KLF12: variants seen among roughly 807,000 people sequenced by gnomAD.
KLF12 encodes the protein KLF transcription factor 12.
In KLF12, 9 loss-of-function variants were observed where a neutral mutation model predicts 37.8. The ratio of observed to expected loss-of-function variants is 0.24; its 90% CI spans 0.14 to 0.42. The LOEUF (loss-of-function observed/expected upper bound fraction) is 0.42. Among genes scored for constraint, KLF12 ranks in the 10% least tolerant of loss-of-function variants. The probability of loss-of-function intolerance (pLI) is 1.00; values close to 1 mark genes in which losing one functional copy is unlikely to be tolerated. For synonymous variants in KLF12, 208 were observed against 202.1 expected, an observed-to-expected ratio of 1.03 and a Z score of -0.25; for missense variants, 411 against 516.0, an observed-to-expected ratio of 0.80 and a Z score of 1.97.
intron 7 of KLF12, 136 bp downstream of exon 7, chr13:73,715,232 T>A (rs1875708809): frequency 8.1e-6 from 5 of 618,074 alleles, no homozygotes; most frequent in Non-Finnish European, 1.4e-5. Flanking sequence ...AGAGAGAGAA[T>A]ACATTCCGCC....
At chr13:74,137,097 A>T (rs1399343309), upstream of KLF12, among the ~76,000 whole-genome samples, 1 of 152,196 alleles carries the variant, frequency 6.6e-6, no homozygotes, top group Non-Finnish European at 1.5e-5. Context: ...AGATTTAAAG[A>T]AAAGTAAGGT....
chr13:73,708,176 T>G (rs1212041774), intron 7 of KLF12, among the ~76,000 whole-genome samples: 1 of 152,154 alleles, frequency 6.6e-6, no homozygotes, highest in Non-Finnish European at 1.5e-5. Context: ...TGTACAAAAT[T>G]CAGATATGAA....
chr13:74,146,004 T>C, the KLF12 span, among the ~76,000 whole-genome samples: 4 of 152,196 alleles, frequency 2.6e-5, no homozygotes, highest in Admixed American at 2.6e-4. Flanking sequence ...AACTTGAACA[T>C]GTTTTTAAAA....
intron 1 of KLF12, among the ~76,000 whole-genome samples, chr13:74,046,047 T>A (rs529563542): frequency 1.3e-5 from 2 of 152,360 alleles, no homozygotes; most frequent in Admixed American, 1.3e-4. Flanking sequence ...CCATAGGAAC[T>A]TAACTCTTGT....
the KLF12 span, among the ~76,000 whole-genome samples, chr13:74,283,358 A>T: frequency 6.6e-6 from 1 of 152,244 alleles, no homozygotes; most frequent in Non-Finnish European, 1.5e-5. Flanking sequence ...CTTCTGCAAA[A>T]ATCCCATTTC....
the KLF12 span, among the ~76,000 whole-genome samples, chr13:74,294,610 A>G: frequency 6.6e-6 from 1 of 151,792 alleles, no homozygotes; most frequent in East Asian, 1.9e-4. Flanking sequence ...CTTGTGATCC[A>G]CCCGCCTCGG....
intron 6 of KLF12, 118 bp from the exon 7 acceptor site, chr13:73,715,643 C>T (rs1875746772): frequency 3.0e-6 from 3 of 985,528 alleles, no homozygotes; most frequent in Admixed American, 5.3e-5. Flanking sequence ...CCACCATGAC[C>T]ACAGTTCTTG....
At chr13:73,891,743 T>C (rs1887517157) in intron 3 of KLF12, among the ~76,000 whole-genome samples, 2 of 152,154 alleles carry the variant, frequency 1.3e-5, no homozygotes, top group African/African-American at 4.8e-5. Context: ...TGGTGCTGCA[T>C]ATGCAGATGA....
chr13:74,132,440 CAG>C (rs1383161337), intron 1 of KLF12, among the ~76,000 whole-genome samples: 2 of 152,160 alleles, frequency 1.3e-5, no homozygotes, highest in Non-Finnish European at 1.5e-5. Flanking sequence ...TACAGGGAAA[CAG>C]AGAATCTTAA....
At chr13:74,231,064 G>T in the KLF12 span, among the ~76,000 whole-genome samples, 2 of 150,398 alleles carry the variant, frequency 1.3e-5, no homozygotes, top group African/African-American at 4.9e-5. Context: ...AAATGATACA[G>T]TAGTGTATAA....
At position 74,018,098 on chromosome 13, in the gene KLF12, T is replaced by C. The variant is rs191266133; in HGVS notation, c.-31-23045A>G. 4.4e-3 allele frequency among the ~76,000 whole-genome samples: 659 copies of C among 151,242 alleles called. 2 individuals carry two copies. Among genetic ancestry groups the C allele is most frequent in the Non-Finnish European group, 7.0e-3 (477 of 67,856 alleles). Reference sequence around the variant, plus strand: ...TATAATTACTGCTTTTTTTTTTTTTTACTTAAAAAAATATACACACGATTC... The same window carrying C: ...TATAATTACTGCTTTTTTTTTTTTTCACTTAAAAAAATATACACACGATTC... On this transcript the variant is annotated intron_variant, in intron 1 of 7. Transcript: ENST00000377669.
chr13:74,082,837 G>C (rs1874995974), intron 1 of KLF12, among the ~76,000 whole-genome samples: 1 of 152,106 alleles, frequency 6.6e-6, no homozygotes, highest in African/African-American at 2.4e-5. Context: ...ATTTTCCCGG[G>C]GCAGGGAAGG....
At chr13:74,108,514 G>T (rs772479680) in intron 1 of KLF12, among the ~76,000 whole-genome samples, 1 of 152,032 alleles carries the variant, frequency 6.6e-6, no homozygotes, top group Non-Finnish European at 1.5e-5. Flanking sequence ...GGGGGTGAGG[G>T]TCATAGGAGT....
the KLF12 span, among the ~76,000 whole-genome samples, chr13:74,256,745 G>C: frequency 6.7e-6 from 1 of 149,388 alleles, no homozygotes; most frequent in Non-Finnish European, 1.5e-5. Flanking sequence ...CTGTTGCCAC[G>C]CTGTTTTGGA....
the KLF12 span, among the ~76,000 whole-genome samples, chr13:74,212,558 TTAAG>T: frequency 1.3e-5 from 2 of 152,138 alleles, no homozygotes; most frequent in Non-Finnish European, 2.9e-5. Flanking sequence ...CTAACAGCAA[TTAAG>T]TATTTATGAA....
intron 1 of KLF12, among the ~76,000 whole-genome samples, chr13:74,025,903 A>G (rs750038385): frequency 6.6e-6 from 1 of 152,186 alleles, no homozygotes; most frequent in African/African-American, 2.4e-5. Context: ...CCACCTCTCT[A>G]GAGTCCCCAT....
the KLF12 span, among the ~76,000 whole-genome samples, chr13:74,169,611 C>T: frequency 6.6e-5 from 10 of 152,304 alleles, no homozygotes; most frequent in Admixed American, 2.0e-4. Flanking sequence ...AAATAAGCTA[C>T]CACTCTTTGC....
chr13:74,045,296 C>T (rs777970124), intron 1 of KLF12, among the ~76,000 whole-genome samples: 29 of 152,162 alleles, frequency 1.9e-4, no homozygotes, highest in Non-Finnish European at 3.8e-4. Flanking sequence ...ATGAGAACGG[C>T]ACTTTACCTA....
At chr13:74,038,267 T>A (rs1187915941) in intron 1 of KLF12, among the ~76,000 whole-genome samples, 1 of 152,156 alleles carries the variant, frequency 6.6e-6, no homozygotes, top group Non-Finnish European at 1.5e-5. Flanking sequence ...CTTATAACTA[T>A]TCAAAATAAT....
Sources: gnomAD v4.1 joint callset for allele counts (sites outside exome capture counted in the v4.1 genomes callset) on GRCh38, gnomAD v4.1.1 for gene constraint, MANE v1.5 for transcripts, NCBI Gene and HGNC (gene_info 2026-07-23, HGNC 2026-07-21) for gene names.